The following CACNA1B variants were observed in gnomAD, a reference collection of about 807,000 sequenced individuals.
The protein encoded by CACNA1B is voltage-dependent N-type calcium channel subunit alpha-1B.
CACNA1B carries 70 observed loss-of-function variants against 247.2 expected under a neutral mutation model. The observed-to-expected ratio is 0.28, with a 90% CI of 0.23 to 0.35. The LOEUF (loss-of-function observed/expected upper bound fraction) is 0.35. Ranked by LOEUF, CACNA1B falls within the 10% of genes least tolerant of loss-of-function variation. CACNA1B has a pLI of 1.00. For synonymous variants in CACNA1B, 1,231 were observed against 1,294.4 expected (o/e 0.95, Z 1.05); for missense variants, 2,367 against 3,197.4 (o/e 0.74, Z 6.26).
intron 36 of CACNA1B, among the ~76,000 whole-genome samples, chr9:138,080,458 C>T (rs1216449514): frequency 4.6e-5 from 7 of 152,142 alleles, no homozygotes; most frequent in Non-Finnish European, 1.0e-4. Context: ...ATTGCAAGAT[C>T]ATTACATTAA....
At position 137,888,215 on chromosome 9, in the gene CACNA1B, G is replaced by T. The variant is rs1453542795; in HGVS notation, c.530+5332G>T. Among the ~76,000 whole-genome samples, 1 of 152,122 alleles carries T rather than the reference G, an allele frequency of 6.6e-6. No individual in the cohort carries two copies. The highest frequency in any genetic ancestry group is 1.5e-5 in the Non-Finnish European group (1 of 68,002). Reference sequence around the variant, plus strand: ...CAGGTGGGCTCTGACACCCAGAAAAGGTAGAGCCCACGGGAAGCCCCGTGG... The same window carrying T: ...CAGGTGGGCTCTGACACCCAGAAAATGTAGAGCCCACGGGAAGCCCCGTGG... On this transcript the variant is annotated intron_variant, in intron 3 of 46. Coordinates refer to ENST00000371372, the MANE Select transcript of CACNA1B (RefSeq NM_000718.4). The surrounding 1 kb of genome is among the most constrained non-coding windows in gnomAD (Gnocchi z 4.7).
At position 137,899,948 on chromosome 9, in the gene CACNA1B, G is replaced by A. The variant is rs1050607150; in HGVS notation, c.531-13232G>A. ...TAGGGCTCTGTGCCACAGGGACGGG[G>A]TACAGGGGCTGGCCAGCGTGGGCCA... On this transcript the variant is annotated intron_variant, in intron 3 of 46. Transcript: ENST00000371372. This position sits in a 1 kb window ranked among gnomAD's most constrained non-coding sequence, Gnocchi z 5.0. Among the ~76,000 whole-genome samples, 2 of 152,180 alleles carry A rather than the reference G, an allele frequency of 1.3e-5. No homozygotes were observed. The highest frequency in any genetic ancestry group is 4.8e-5 in the African/African-American group (2 of 41,444).
Position 138,121,959 on chromosome 9 carries a change from G to T in CACNA1B, c.6980G>T (p.Arg2327Leu). The change falls in exon 47 of 47, where the codon CGG (arginine) becomes CTG (leucine). Residue 2327 changes from arginine (R) to leucine (L), a missense_variant. Coordinates refer to ENST00000371372, the MANE Select transcript of CACNA1B (RefSeq NM_000718.4). This position sits in a 1 kb window ranked among gnomAD's most constrained non-coding sequence, Gnocchi z 6.8. ...GGACTCAGCTCGGGTGGCCGAGCAC[G>T]GCACAGCTACCACCACCCTGACCAA... Reference protein sequence around the residue: ...TLGLSSGGRARHSYHHPDQDH... With the variant: ...TLGLSSGGRALHSYHHPDQDH... The T allele has an allele frequency of 6.2e-7, 1 of 1,602,958 alleles. No homozygotes were observed. The highest frequency in any genetic ancestry group is 8.5e-7 in the Non-Finnish European group (1 of 1,179,780).
chr9:137,906,595 C>A (rs1564883865), intron 3 of CACNA1B, among the ~76,000 whole-genome samples: 4 of 152,034 alleles, frequency 2.6e-5, no homozygotes, highest in Admixed American at 2.0e-4. Context: ...TCTCTGCATC[C>A]CTGTGTGATG....
At chr9:138,028,085 G>A (rs769371764) in intron 20 of CACNA1B, among the ~76,000 whole-genome samples, 1 of 137,668 alleles carries the variant, frequency 7.3e-6, no homozygotes, top group Non-Finnish European at 1.5e-5. Context: ...CCTGGCTGGA[G>A]TGCAGTGGCA....
At position 138,084,767 on chromosome 9, in the gene CACNA1B, C is replaced by T. The variant is rs898019117; in HGVS notation, c.5094+6509C>T. ...GAGATCAAGACCATCCTGGCTAACA[C>T]GGTGAAACCCCGTCTCTACTAAAAA... On this transcript the variant is annotated intron_variant, in intron 36 of 46. Transcript: ENST00000371372. Among the ~76,000 whole-genome samples the T allele has an allele frequency of 2.0e-4, 30 of 150,816 alleles. 1 individual carries two copies. The highest frequency in any genetic ancestry group is 3.9e-4 in the Admixed American group (6 of 15,198).
chr9:137,879,225 T>A, intron 2 of CACNA1B, 66 bp downstream of exon 2: 1 of 1,050,460 alleles, frequency 9.5e-7, no homozygotes, highest in Non-Finnish European at 1.4e-6. Flanking sequence ...TCCTTTATGG[T>A]CTGTGCCTGA....
rs895960411 is a variant in CACNA1B at position 138,073,016 on chromosome 9, C to T, written c.4675-472C>T. Among the ~76,000 whole-genome samples, 3 of 152,212 alleles carry T rather than the reference C, an allele frequency of 2.0e-5. No individual in the cohort carries two copies. The highest frequency in any genetic ancestry group is 2.0e-4 in the Admixed American group (3 of 15,282). On this transcript the variant is annotated intron_variant, in intron 32 of 46. Transcript: ENST00000371372. The surrounding 1 kb of genome is among the most constrained non-coding windows in gnomAD (Gnocchi z 6.4). ...GCAAGCGAGGGCTTTGCTGACTGAG[C>T]CAGGGAGGAAAGGGCATAGCCGTGA...
In CACNA1B at chr9:137,952,930, T is replaced by C. The variant is rs1175745814; in HGVS notation, c.1070+553T>C. 6.6e-6 allele frequency among the ~76,000 whole-genome samples: 1 copy of C among 152,118 alleles called. No homozygotes were observed. Among genetic ancestry groups the C allele is most frequent in the Non-Finnish European group, 1.5e-5 (1 of 68,016 alleles). Reference sequence around the variant, plus strand: ...ATCTCTGTAGCAGTCACCACTGGGCTCGCCACCCTGGCCCTGACTGCTGGT... The same window carrying C: ...ATCTCTGTAGCAGTCACCACTGGGCCCGCCACCCTGGCCCTGACTGCTGGT... On this transcript the variant is annotated intron_variant, in intron 7 of 46. Coordinates refer to ENST00000371372, the MANE Select transcript of CACNA1B (RefSeq NM_000718.4). This position sits in a 1 kb window ranked among gnomAD's most constrained non-coding sequence, Gnocchi z 4.8.
intron 10 of CACNA1B, among the ~76,000 whole-genome samples, chr9:137,963,808 GT>G (rs1958046052): frequency 1.3e-5 from 2 of 152,284 alleles, no homozygotes; most frequent in South Asian, 4.1e-4. Context: ...GTTTACTTCA[GT>G]TTGTTTTTGC....
intron 45 of CACNA1B, 124 bp from the exon 46 acceptor site, chr9:138,120,507 G>T: frequency 7.3e-7 from 1 of 1,370,686 alleles, no homozygotes. Context: ...TGGGACTGAG[G>T]CCCAGGCCCT....
intron 44 of CACNA1B, among the ~76,000 whole-genome samples, chr9:138,119,042 T>C (rs1564297392): frequency 6.6e-6 from 1 of 152,056 alleles, no homozygotes; most frequent in Non-Finnish European, 1.5e-5. Context: ...CAGCCTCCTA[T>C]TAGGGGCCAT....
At chr9:138,047,675 C>T (rs942514706) in intron 23 of CACNA1B, among the ~76,000 whole-genome samples, 1 of 152,196 alleles carries the variant, frequency 6.6e-6, no homozygotes, top group African/African-American at 2.4e-5. Flanking sequence ...GGGAGTGCTC[C>T]CCAGTGTCGT....
chr9:138,070,602 G>A (rs1291010919), intron 32 of CACNA1B, among the ~76,000 whole-genome samples: 5 of 152,238 alleles, frequency 3.3e-5, no homozygotes, highest in Non-Finnish European at 7.3e-5. Context: ...AAAAGTGAAT[G>A]TTTGTGATAC....
chr9:138,030,125 TG>T (rs1466998835), intron 20 of CACNA1B, among the ~76,000 whole-genome samples: 2 of 152,224 alleles, frequency 1.3e-5, no homozygotes, highest in Non-Finnish European at 2.9e-5. Flanking sequence ...TGAATAGCTG[TG>T]GCAAGAACTG....
Position 138,121,232 on chromosome 9 carries a change from C to T in CACNA1B, c.6490-237C>T, listed in dbSNP as rs1226521999. On this transcript the variant is annotated intron_variant, in intron 46 of 46. Transcript: ENST00000371372. This position sits in a 1 kb window ranked among gnomAD's most constrained non-coding sequence, Gnocchi z 6.8. Reference sequence around the variant, plus strand: ...TTCTGTCCTTTTCCCTGGCCCCAGCCTGTCCCTTCCCATCACCTGCTCTCC... The same window carrying T: ...TTCTGTCCTTTTCCCTGGCCCCAGCTTGTCCCTTCCCATCACCTGCTCTCC... Among the ~76,000 whole-genome samples the T allele has an allele frequency of 6.6e-6, 1 of 152,092 alleles. No individual in the cohort carries two copies. The highest frequency in any genetic ancestry group is 1.5e-5 in the Non-Finnish European group (1 of 68,018).
rs1254942801 is a variant in CACNA1B, at chr9:138,122,946, G to C, written c.*947G>C. On this transcript the variant is annotated 3_prime_UTR_variant, in exon 47 of 47. Coordinates refer to ENST00000371372, the MANE Select transcript of CACNA1B (RefSeq NM_000718.4). ...GCAGCCAGGTAGCAAGCCCTTGCCA[G>C]TGGAGAGCACTGGATGTCATGGTGG... 2.0e-5 allele frequency: 3 copies of C among 152,314 alleles called. No individual in the cohort carries two copies. Among genetic ancestry groups the C allele is most frequent in the African/African-American group, 4.8e-5 (2 of 41,476 alleles). 9.4% of individuals were successfully genotyped at this position (152,314 alleles called of 1,614,324 possible).
chr9:137,977,742 G>GT (rs1958237929), intron 12 of CACNA1B, among the ~76,000 whole-genome samples: 1 of 152,124 alleles, frequency 6.6e-6, no homozygotes, highest in African/African-American at 2.4e-5. Context: ...AGGAGTGGGA[G>GT]TAAGTACTCC....
chr9:138,014,596 T>G lies in CACNA1B; in HGVS notation c.2267+1361T>G, dbSNP rs139770944. ...TATTTAGTCCACTTAGTTTGGTTAC[T>G]TGGTCCAGGGGTTTGCTACCAGGGC... is the stretch of plus-strand genomic sequence containing the variant. On this transcript the variant is annotated intron_variant, in intron 18 of 46. Coordinates refer to ENST00000371372, the MANE Select transcript of CACNA1B (RefSeq NM_000718.4). This position sits in a 1 kb window ranked among gnomAD's most constrained non-coding sequence, Gnocchi z 6.2. Among the ~76,000 whole-genome samples, 538 of 152,334 alleles carry G rather than the reference T, an allele frequency of 3.5e-3. 5 individuals are homozygous for G. Among genetic ancestry groups the G allele is most frequent in the African/African-American group, 0.012 (502 of 41,580 alleles).
Sources: gnomAD v4.1 joint callset for allele counts (sites outside exome capture counted in the v4.1 genomes callset) on GRCh38, gnomAD v4.1.1 for gene constraint, Gnocchi (gnomAD v3.1) non-coding constraint, MANE v1.5 for transcripts, NCBI Gene and HGNC (gene_info 2026-07-23, HGNC 2026-07-21) for gene names.